The following PDE4D variants were observed in gnomAD, a reference collection of about 807,000 sequenced individuals.
PDE4D encodes the protein phosphodiesterase 4D.
In PDE4D, 24 loss-of-function variants were observed where a neutral mutation model predicts 87.4. The ratio of observed to expected loss-of-function variants is 0.27; its 90% confidence interval spans 0.20 to 0.39. The LOEUF (loss-of-function observed/expected upper bound fraction) is 0.39, where lower values mean the gene tolerates loss of function less well. Ranked by LOEUF, PDE4D falls within the 10% of genes least tolerant of loss-of-function variation. The pLI, the probability that PDE4D is intolerant of heterozygous loss-of-function variation, is 1.00. For missense variants in PDE4D, 714 were observed against 1,041.0 expected, an observed-to-expected ratio of 0.69 and a Z score of 4.32; for synonymous variants, 384 against 383.2, an observed-to-expected ratio of 1.00 and a Z score of -0.02.
intron 1 of PDE4D, chr5:59,275,756 G>C: frequency 9.9e-7 from 1 of 1,007,774 alleles, no homozygotes; most frequent in Non-Finnish European, 1.2e-6. Context: ...TCTCTTTTTT[G>C]CAATTCCATA....
At chr5:59,068,274 C>T (rs980680670) in intron 5 of PDE4D, among the ~76,000 whole-genome samples, 4 of 152,140 alleles carry the variant, frequency 2.6e-5, no homozygotes, top group Non-Finnish European at 4.4e-5. Context: ...GTGTATTTCA[C>T]GTGAACTTGT....
At chr5:60,091,526 A>C (rs865880670) in intron 2 of PDE4D, among the ~76,000 whole-genome samples, 1 of 152,214 alleles carries the variant, frequency 6.6e-6, no homozygotes, top group Non-Finnish European at 1.5e-5. Context: ...ATGCTAATAC[A>C]CTGTTAGTGA....
intron 2 of PDE4D, among the ~76,000 whole-genome samples, chr5:60,046,071 G>A (rs1168937247): frequency 2.6e-5 from 4 of 152,076 alleles, no homozygotes; most frequent in Non-Finnish European, 5.9e-5. Flanking sequence ...TCCTTGAAGA[G>A]GTCCTTCACA....
chr5:59,442,011 T>G (rs1797696108), intron 1 of PDE4D, among the ~76,000 whole-genome samples: 1 of 152,236 alleles, frequency 6.6e-6, no homozygotes, highest in African/African-American at 2.4e-5. Context: ...AAGATACTTT[T>G]GCAAATATTT....
intron 1 of PDE4D, among the ~76,000 whole-genome samples, chr5:59,820,228 A>C (rs1354561766): frequency 6.6e-6 from 1 of 152,168 alleles, no homozygotes; most frequent in Non-Finnish European, 1.5e-5. Flanking sequence ...TTCTTCACAC[A>C]CATCCTCCAT....
chr5:60,510,330 T>G (rs1180950605), intron 1 of PDE4D, among the ~76,000 whole-genome samples: 1 of 152,130 alleles, frequency 6.6e-6, no homozygotes, highest in Non-Finnish European at 1.5e-5. Flanking sequence ...AAAGTTTCTC[T>G]GTCCTTGGTT....
At chr5:59,878,668 C>T (rs1748962460) in intron 1 of PDE4D, among the ~76,000 whole-genome samples, 1 of 151,968 alleles carries the variant, frequency 6.6e-6, no homozygotes, top group South Asian at 2.1e-4. Context: ...ATTATTTTAT[C>T]TAATAGCATT....
intron 1 of PDE4D, among the ~76,000 whole-genome samples, chr5:59,553,936 A>G (rs1018686436): frequency 6.6e-6 from 1 of 152,184 alleles, no homozygotes; most frequent in Non-Finnish European, 1.5e-5. Flanking sequence ...AGCAAAGTAT[A>G]TAATACAATA....
At chr5:59,631,655 CCCT>C (rs1457593985) in intron 1 of PDE4D, among the ~76,000 whole-genome samples, 22 of 152,130 alleles carry the variant, frequency 1.4e-4, no homozygotes, top group Non-Finnish European at 2.5e-4. Context: ...CTCGGGAACT[CCCT>C]CCTCTACCCA....
chr5:60,103,852 A>C (rs1309998594), intron 2 of PDE4D, among the ~76,000 whole-genome samples: 1 of 152,180 alleles, frequency 6.6e-6, no homozygotes, highest in Admixed American at 6.5e-5. Context: ...AAAAAAATTA[A>C]AAACCTGAAA....
intron 1 of PDE4D, among the ~76,000 whole-genome samples, chr5:59,502,198 ATAAC>A (rs1450510574): frequency 6.6e-6 from 1 of 152,102 alleles, no homozygotes; most frequent in Non-Finnish European, 1.5e-5. Context: ...GCATGAACAT[ATAAC>A]TAATAGGTAG....
At chr5:59,198,252 G>A (rs936112887) in intron 2 of PDE4D, among the ~76,000 whole-genome samples, 9 of 152,184 alleles carry the variant, frequency 5.9e-5, no homozygotes, top group Admixed American at 3.3e-4. Flanking sequence ...GAGGACAGGC[G>A]GAGAATGAAT....
chr5:59,311,994 G>C (rs768186572), intron 1 of PDE4D, among the ~76,000 whole-genome samples: 1 of 152,180 alleles, frequency 6.6e-6, no homozygotes, highest in East Asian at 1.9e-4. Context: ...TCCTCCTTTG[G>C]AGGTGAAAGA....
In PDE4D at chr5:60,094,963, T is replaced by C. The variant is rs1410603626; in HGVS notation, c.42+90594A>G. Among the ~76,000 whole-genome samples the C allele has an allele frequency of 2.6e-5, 4 of 152,206 alleles. 1 individual carries two copies. Among genetic ancestry groups the C allele is most frequent in the South Asian group, 4.1e-4 (2 of 4,838 alleles). ...AAAGCAAAATGTACAAATAGAAGTC[T>C]AGCATTTATGAAAGCACTTGGCATG... On this transcript the variant is annotated intron_variant, in intron 2 of 16. Transcript: ENST00000502484.
At chr5:59,581,273 GT>G (rs1327317836) in intron 1 of PDE4D, among the ~76,000 whole-genome samples, 1 of 152,024 alleles carries the variant, frequency 6.6e-6, no homozygotes, top group Non-Finnish European at 1.5e-5. Context: ...TGGTTGTTTA[GT>G]TTTTTTGGGT....
rs543505305 is a variant in PDE4D, at chr5:59,605,276, A to G, written c.455+287892T>C. Reference sequence around the variant, plus strand: ...GCAATGCAAAAGTTTATTTTTTTCTATCCATTGGAAATTTGTGAACATTTT... The same window carrying G: ...GCAATGCAAAAGTTTATTTTTTTCTGTCCATTGGAAATTTGTGAACATTTT... On this transcript the variant is annotated intron_variant, in intron 1 of 14. Coordinates refer to ENST00000340635, the MANE Select transcript of PDE4D (RefSeq NM_001104631.2). Among the ~76,000 whole-genome samples the G allele has an allele frequency of 5.3e-5, 8 of 152,246 alleles. No individual in the cohort carries two copies. The South Asian group carries it at 1.4e-3, about 28-fold the overall frequency.
chr5:59,776,898 T>A (rs1764134042), intron 1 of PDE4D, among the ~76,000 whole-genome samples: 1 of 152,072 alleles, frequency 6.6e-6, no homozygotes, highest in Admixed American at 6.6e-5. Flanking sequence ...AAAAAATATA[T>A]GGAGCTGGGT....
rs550714773 is a variant in PDE4D, at chr5:59,971,253, T to C, written c.272+17235A>G. Among the ~76,000 whole-genome samples, 329 of 150,670 alleles carry C rather than the reference T, an allele frequency of 2.2e-3. 2 individuals are homozygous for C. Among genetic ancestry groups the C allele is most frequent in the South Asian group, 6.8e-3 (32 of 4,720 alleles). The stretch of plus-strand genomic sequence containing the variant: ...GGATAGCTTTGGGAGATATACCTAA[T>C]GCTAGATGACGAGTTAGTGGGTGCA... On this transcript the variant is annotated intron_variant, in intron 3 of 16. Coordinates refer to the PDE4D transcript ENST00000502484.
At chr5:59,057,879 A>G (rs1762583875) in intron 5 of PDE4D, among the ~76,000 whole-genome samples, 1 of 152,174 alleles carries the variant, frequency 6.6e-6, no homozygotes, top group Non-Finnish European at 1.5e-5. Flanking sequence ...TTGCCATATT[A>G]TCTAGCATTA....
Sources: gnomAD v4.1 joint callset for allele counts (sites outside exome capture counted in the v4.1 genomes callset) on GRCh38, gnomAD v4.1.1 for gene constraint, MANE v1.5 for transcripts, NCBI Gene and HGNC (gene_info 2026-07-23, HGNC 2026-07-21) for gene names.